Variants in EPHA6 observed in about 807,000 individuals in gnomAD.
EPHA6 encodes the protein ephrin type-A receptor 6.
EPHA6 carries 50 observed loss-of-function variants against 112.0 expected under a neutral mutation model. The ratio of observed to expected loss-of-function variants is 0.45; its 90% CI spans 0.36 to 0.56. The LOEUF is 0.56. Ranked by LOEUF, EPHA6 falls within the 20% of genes least tolerant of loss-of-function variation. EPHA6 has a pLI of 0.00. For missense variants in EPHA6, 1,280 were observed against 1,417.4 expected, an observed-to-expected ratio of 0.90 and a Z score of 1.56; for synonymous variants, 529 against 490.7, an observed-to-expected ratio of 1.08 and a Z score of -1.03.
chr3:97,632,228 C>G (rs745440668), intron 13 of EPHA6, among the ~76,000 whole-genome samples: 3 of 151,976 alleles, frequency 2.0e-5, no homozygotes, highest in Non-Finnish European at 4.4e-5. Flanking sequence ...AAAAGCTTCA[C>G]TCCTCTAAGA....
At chr3:97,352,673 G>A (rs554232240) in intron 5 of EPHA6, among the ~76,000 whole-genome samples, 1 of 152,266 alleles carries the variant, frequency 6.6e-6, no homozygotes, top group South Asian at 2.1e-4. Context: ...ACAACCATGG[G>A]CTGAATACCC....
intron 14 of EPHA6, among the ~76,000 whole-genome samples, chr3:97,690,745 G>C (rs1289723788): frequency 1.3e-5 from 2 of 152,176 alleles, no homozygotes; most frequent in African/African-American, 4.8e-5. Flanking sequence ...TGGGATTACA[G>C]GTGTGAGCCA....
chr3:97,119,953 C>T (rs973705045), intron 3 of EPHA6, among the ~76,000 whole-genome samples: 6 of 151,948 alleles, frequency 3.9e-5, no homozygotes, highest in Admixed American at 3.9e-4. Context: ...GACTCATTTG[C>T]TGAATTCCGG....
At chr3:97,722,685 G>C (rs1183819296) in intron 15 of EPHA6, among the ~76,000 whole-genome samples, 1 of 151,774 alleles carries the variant, frequency 6.6e-6, no homozygotes, top group Non-Finnish European at 1.5e-5. Context: ...ACTGCTATGG[G>C]GGAAAAAAGC....
At chr3:97,221,130 C>T (rs1030841261) in intron 3 of EPHA6, among the ~76,000 whole-genome samples, 13 of 151,572 alleles carry the variant, frequency 8.6e-5, no homozygotes, top group African/African-American at 2.9e-4. Context: ...CTGGCCAACA[C>T]GGTGAAACCT....
intron 15 of EPHA6, among the ~76,000 whole-genome samples, chr3:97,726,611 C>T (rs1287698307): frequency 6.6e-6 from 1 of 151,962 alleles, no homozygotes; most frequent in Admixed American, 6.6e-5. Context: ...AGTGTATAGC[C>T]CCTTGCTGTT....
Position 97,377,260 on chromosome 3 carries a change from T to C in EPHA6, c.1607-27890T>C, listed in dbSNP as rs955515540. ...AGTCTCATGATATCTGATAGTTTTATCAGGGGTTTCTGCTTCTGCATATTT... is the reference window on the plus strand; with the variant it reads ...AGTCTCATGATATCTGATAGTTTTACCAGGGGTTTCTGCTTCTGCATATTT... On this transcript the variant is annotated intron_variant, in intron 5 of 17. Transcript: ENST00000389672. 3.9e-5 allele frequency among the ~76,000 whole-genome samples: 6 copies of C among 152,306 alleles called. No homozygotes were observed. The South Asian group carries it at 1.2e-3, about 32-fold the overall frequency.
intron 3 of EPHA6, among the ~76,000 whole-genome samples, chr3:97,068,727 G>A (rs2046258907): frequency 6.6e-6 from 1 of 151,990 alleles, no homozygotes; most frequent in African/African-American, 2.4e-5. Flanking sequence ...GGCTTGTGAG[G>A]GAATTAGATC....
intron 6 of EPHA6, among the ~76,000 whole-genome samples, chr3:97,427,524 C>A (rs764102497): frequency 1.8e-4 from 27 of 152,014 alleles, no homozygotes; most frequent in Non-Finnish European, 3.5e-4. Context: ...ATAACAGACA[C>A]TGGGGCCTAC....
Position 97,450,108 on chromosome 3 carries a change from C to T in EPHA6, c.1894+1378C>T, listed in dbSNP as rs188854698. Among the ~76,000 whole-genome samples, 4 of 152,074 alleles carry T rather than the reference C, an allele frequency of 2.6e-5. No individual in the cohort carries two copies. The East Asian group carries it at 7.7e-4, about 29-fold the overall frequency. ...TAGTCATTTAAATTTCTGGTGGAGA[C>T]TATTGACTTTTTAAGCTAGAGAGAA... On this transcript the variant is annotated intron_variant, in intron 7 of 17. Coordinates refer to ENST00000389672, the MANE Select transcript of EPHA6 (RefSeq NM_001080448.3).
intron 10 of EPHA6, among the ~76,000 whole-genome samples, chr3:97,524,279 G>A (rs2092588049): frequency 6.6e-6 from 1 of 151,794 alleles, no homozygotes; most frequent in Non-Finnish European, 1.5e-5. Context: ...TAGTTATCAT[G>A]AGGCTTGCAT....
chr3:96,918,764 T>C (rs1429656274), intron 2 of EPHA6, among the ~76,000 whole-genome samples: 4 of 151,996 alleles, frequency 2.6e-5, no homozygotes, highest in African/African-American at 4.8e-5. Flanking sequence ...TAGAAACTCT[T>C]TGCAAAGGGA....
chr3:96,921,067 A>G (rs2039734877), intron 2 of EPHA6, among the ~76,000 whole-genome samples: 3 of 152,184 alleles, frequency 2.0e-5, no homozygotes, highest in African/African-American at 7.2e-5. Flanking sequence ...GTTTAGACCA[A>G]TTACATTATA....
chr3:97,480,342 A>G (rs2091495891), intron 9 of EPHA6, among the ~76,000 whole-genome samples: 2 of 152,000 alleles, frequency 1.3e-5, no homozygotes, highest in South Asian at 4.2e-4. Context: ...ACATGTGAAC[A>G]AGGGTTCTCT....
At chr3:97,703,073 C>A (rs1172781628) in intron 14 of EPHA6, among the ~76,000 whole-genome samples, 1 of 152,142 alleles carries the variant, frequency 6.6e-6, no homozygotes, top group Non-Finnish European at 1.5e-5. Context: ...TGAAGTCAGG[C>A]AGAAAGCAGT....
At chr3:97,612,602 T>C (rs946664920) in intron 13 of EPHA6, 47 of 214,038 alleles carry the variant, frequency 2.2e-4, no homozygotes, top group African/African-American at 9.9e-4. Flanking sequence ...TCTTACTACA[T>C]GTTTAGAAGT....
intron 3 of EPHA6, among the ~76,000 whole-genome samples, chr3:97,205,900 T>A (rs2077703024): frequency 6.6e-6 from 1 of 152,098 alleles, no homozygotes; most frequent in Admixed American, 6.6e-5. Context: ...ATAATACTAT[T>A]CTTGTCTCCA....
intron 11 of EPHA6, among the ~76,000 whole-genome samples, chr3:97,537,671 C>A (rs2092782815): frequency 6.6e-6 from 1 of 152,130 alleles, no homozygotes; most frequent in African/African-American, 2.4e-5. Context: ...CTCCACCTCC[C>A]AGGTTCAAGT....
At chr3:96,930,383 TG>T (rs1374568496) in intron 2 of EPHA6, among the ~76,000 whole-genome samples, 2 of 152,316 alleles carry the variant, frequency 1.3e-5, no homozygotes, top group East Asian at 1.9e-4. Flanking sequence ...ATGGGGTTTT[TG>T]TGGGGTCTTT....
Sources: allele counts gnomAD v4.1 joint callset (sites outside exome capture counted in the v4.1 genomes callset), GRCh38; gene constraint gnomAD v4.1.1; transcripts MANE v1.5; gene names NCBI Gene and HGNC (gene_info 2026-07-23, HGNC 2026-07-21).